PCDH15: variants seen among roughly 807,000 people sequenced by gnomAD.
The protein encoded by PCDH15 is protocadherin-15.
In PCDH15, 129 loss-of-function variants were observed where a neutral mutation model predicts 178.5. The ratio of observed to expected loss-of-function variants is 0.72; its 90% CI spans 0.63 to 0.84. The LOEUF is 0.84. PCDH15 is among the 40% of genes least tolerant of loss of function. The pLI, the probability that PCDH15 is intolerant of heterozygous loss-of-function variation, is 0.00. For synonymous variants in PCDH15, 800 were observed against 732.0 expected (o/e 1.09, Z -1.50); for missense variants, 2,230 against 2,099.9 (o/e 1.06, Z -1.21).
intron 2 of PCDH15, among the ~76,000 whole-genome samples, chr10:55,463,936 AG>A (rs1839746137): frequency 3.0e-5 from 1 of 32,994 alleles, no homozygotes; most frequent in African/African-American, 3.6e-4. Flanking sequence ...AAAGAAAGAA[AG>A]AAAGAAAGAA....
At chr10:54,570,771 G>A (rs1317437882) in intron 2 of PCDH15, among the ~76,000 whole-genome samples, 6 of 151,518 alleles carry the variant, frequency 4.0e-5, no homozygotes, top group African/African-American at 1.5e-4. Context: ...TCCTGCCTCA[G>A]CCTCCTGAGT....
chr10:54,133,070 C>G, intron 14 of PCDH15, 63 bp from the exon 15 acceptor site: 1 of 1,603,254 alleles, frequency 6.2e-7, no homozygotes, highest in Non-Finnish European at 8.5e-7. Context: ...TGTTAGACTG[C>G]ATTGTTTATT....
chr10:55,491,461 G>C (rs1351661068), intron 2 of PCDH15, among the ~76,000 whole-genome samples: 1 of 151,612 alleles, frequency 6.6e-6, no homozygotes, highest in Non-Finnish European at 1.5e-5. Context: ...GTTTCACGAT[G>C]GTTGGGGAAA....
chr10:53,863,256 A>G (rs2079216653), intron 27 of PCDH15, among the ~76,000 whole-genome samples: 1 of 152,158 alleles, frequency 6.6e-6, no homozygotes, highest in African/African-American at 2.4e-5. Flanking sequence ...AAAGAGATTT[A>G]ATGTCTGAGC....
chr10:55,198,489 TA>T, intron 1 of PCDH15, among the ~76,000 whole-genome samples: 1 of 152,194 alleles, frequency 6.6e-6, no homozygotes, highest in East Asian at 1.9e-4. Context: ...GTTATTTATT[TA>T]TTTTATTATT....
chr10:54,589,897 G>A (rs572805644), intron 2 of PCDH15, among the ~76,000 whole-genome samples: 6 of 151,974 alleles, frequency 3.9e-5, no homozygotes, highest in East Asian at 3.9e-4. Flanking sequence ...TGCCCGGCCC[G>A]TTCATTACGT....
At chr10:53,877,689 T>C (rs111363447) in intron 26 of PCDH15, among the ~76,000 whole-genome samples, 1 of 152,172 alleles carries the variant, frequency 6.6e-6, no homozygotes, top group African/African-American at 2.4e-5. Flanking sequence ...CTGTTTTTTC[T>C]TTTTGCATAG....
Position 54,747,806 on chromosome 10 carries a change from A to ATTTTTTT in PCDH15, c.-29+53112_-29+53118dup, listed in dbSNP as rs10628733. Among the ~76,000 whole-genome samples, 113 of 135,552 alleles carry ATTTTTTT rather than the reference A, an allele frequency of 8.3e-4. 2 individuals are homozygous for ATTTTTTT. Among genetic ancestry groups the ATTTTTTT allele is most frequent in the African/African-American group, 2.7e-3 (96 of 35,952 alleles). 88.9% of individuals were successfully genotyped at this position (135,552 alleles called of 152,430 possible). A position where few individuals can be genotyped will look rare whatever the true frequency, so the allele number is the denominator to read the frequency against. On this transcript the variant is annotated intron_variant, in intron 1 of 37. Transcript: ENST00000644397. ...AAAAATAAAATCACTCAATGGTTAC[A>ATTTTTTT]TTTTTTTTTTTTTTTTTGAGACGGA...
At chr10:54,059,258 A>G (rs573897630) in intron 18 of PCDH15, among the ~76,000 whole-genome samples, 2 of 152,320 alleles carry the variant, frequency 1.3e-5, no homozygotes, top group South Asian at 4.1e-4. Flanking sequence ...TTTAAACATG[A>G]ACATTTGACA....
rs1237337752 is a variant in PCDH15, at chr10:54,167,793, C to CTTATCTCT, written c.1591-14501_1591-14500insAGAGATAA. ...ATCCCTTATTTCCGCACCCCAACCT[C>CTTATCTCT]GTATCTCTGTGCCCCAATCCCTTAT... On this transcript the variant is annotated intron_variant, in intron 13 of 37. Transcript: ENST00000644397. 7.9e-4 allele frequency among the ~76,000 whole-genome samples: 120 copies of CTTATCTCT among 151,208 alleles called. 15 individuals are homozygous for CTTATCTCT. The highest frequency in any genetic ancestry group is 2.8e-3 in the African/African-American group (113 of 40,682).
rs148741537 is a variant in PCDH15 at position 54,742,187 on chromosome 10, C to T, written c.-29+58738G>A. On this transcript the variant is annotated intron_variant, in intron 1 of 37. Transcript: ENST00000644397. ...TTACAGAAAACATCTAACATGTCAG[C>T]GCTTTGTCCTTATTATTGTATTTAT... 3.6e-3 allele frequency among the ~76,000 whole-genome samples: 540 copies of T among 152,074 alleles called. 2 individuals are homozygous for T. Among genetic ancestry groups the T allele is most frequent in the Admixed American group, 9.0e-3 (137 of 15,238 alleles).
At chr10:54,836,519 A>T (rs1437616978) in intron 3 of PCDH15, among the ~76,000 whole-genome samples, 1 of 152,116 alleles carries the variant, frequency 6.6e-6, no homozygotes, top group African/African-American at 2.4e-5. Flanking sequence ...GTAATAACTA[A>T]GCAATAAATT....
Position 54,800,911 on chromosome 10 carries a change from G to C in PCDH15, c.-29+14C>G. On this transcript the variant is annotated intron_variant, in intron 1 of 37. Transcript: ENST00000644397. The stretch of plus-strand genomic sequence containing the variant: ...ATTTGAAAAAAATAAGAGAAGGGCG[G>C]GGGAAGAACTTACTTGCGGTTTAAA... 1 of 152,054 alleles carries C rather than the reference G, an allele frequency of 6.6e-6. No individual in the cohort carries two copies. The highest frequency in any genetic ancestry group is 1.5e-5 in the Non-Finnish European group (1 of 68,012). 9.4% of individuals were successfully genotyped at this position (152,054 alleles called of 1,614,324 possible). A position where few individuals can be genotyped will look rare whatever the true frequency, so the allele number is the denominator to read the frequency against.
chr10:55,115,239 A>G (rs1320867784), intron 2 of PCDH15, among the ~76,000 whole-genome samples: 1 of 152,156 alleles, frequency 6.6e-6, no homozygotes. Context: ...CTGCGTCTAA[A>G]CCATTATTTG....
chr10:54,390,446 C>T (rs1950418897), intron 3 of PCDH15, among the ~76,000 whole-genome samples: 1 of 152,128 alleles, frequency 6.6e-6, no homozygotes, highest in South Asian at 2.1e-4. Context: ...CTGCCCACCA[C>T]CACGCCCGGC....
chr10:54,057,614 G>A (rs773009242), intron 18 of PCDH15, among the ~76,000 whole-genome samples: 3 of 152,146 alleles, frequency 2.0e-5, no homozygotes, highest in Admixed American at 6.5e-5. Context: ...CTCTGGGCCT[G>A]TGATTGGAGG....
intron 2 of PCDH15, among the ~76,000 whole-genome samples, chr10:55,550,014 C>T (rs1841972746): frequency 6.6e-6 from 1 of 151,950 alleles, no homozygotes; most frequent in Admixed American, 6.6e-5. Flanking sequence ...TATTTTCACC[C>T]ATCTTCTCTT....
chr10:54,700,092 T>C (rs79646985), intron 1 of PCDH15, among the ~76,000 whole-genome samples: 3,101 of 152,146 alleles, frequency 0.02, 91 homozygotes, highest in African/African-American at 0.069. Context: ...CAAGCAGGCC[T>C]GGAGTACTAA....
chr10:55,033,382 G>T (rs2131968722), intron 2 of PCDH15, among the ~76,000 whole-genome samples: 1 of 152,264 alleles, frequency 6.6e-6, no homozygotes, highest in South Asian at 2.1e-4. Flanking sequence ...GTCCTCTGGG[G>T]CATTTGGGGC....
Sources: allele counts gnomAD v4.1 joint callset (sites outside exome capture counted in the v4.1 genomes callset), GRCh38; gene constraint gnomAD v4.1.1; transcripts MANE v1.5; gene names NCBI Gene and HGNC (gene_info 2026-07-23, HGNC 2026-07-21).